VIT: variants seen among roughly 807,000 people sequenced by gnomAD.
VIT encodes vitrin.
In VIT, 99 loss-of-function variants were observed where a neutral mutation model predicts 78.0. The observed-to-expected ratio is 1.27, with a 90% CI of 1.08 to 1.50. The LOEUF is 1.50. VIT is among the 40% of genes most tolerant of loss of function. The probability of loss-of-function intolerance (pLI) is 0.00; values close to 1 mark genes in which losing one functional copy is unlikely to be tolerated. For synonymous variants in VIT, 374 were observed against 334.3 expected (o/e 1.12, Z -1.29); for missense variants, 1,126 against 875.3 (o/e 1.29, Z -3.61).
At chr2:36,777,591 G>T (rs144200608) in intron 9 of VIT, among the ~76,000 whole-genome samples, 12 of 152,102 alleles carry the variant, frequency 7.9e-5, no homozygotes, top group African/African-American at 2.7e-4. Flanking sequence ...CTCACCACTG[G>T]CTCATCTCCT....
intron 2 of VIT, among the ~76,000 whole-genome samples, chr2:36,725,527 C>A (rs1376053033): frequency 1.5e-5 from 2 of 136,350 alleles, no homozygotes; most frequent in Non-Finnish European, 3.0e-5. Context: ...AGACCTGTGA[C>A]CTCCCAAAGG....
At chr2:36,779,514 T>G (rs1664593135) in intron 9 of VIT, among the ~76,000 whole-genome samples, 1 of 152,194 alleles carries the variant, frequency 6.6e-6, no homozygotes, top group Non-Finnish European at 1.5e-5. Context: ...GGTGCAGGTT[T>G]GTTACATAAG....
At chr2:36,805,330 A>C in intron 13 of VIT, 108 bp from the exon 14 acceptor site, 28 of 817,046 alleles carry the variant, frequency 3.4e-5, no homozygotes, top group East Asian at 6.4e-5. Context: ...AAAAAAAACT[A>C]GGGAGGGAAT....
At chr2:36,716,223 A>C in intron 1 of VIT, 130 bp from the exon 2 acceptor site, 1 of 631,600 alleles carries the variant, frequency 1.6e-6, no homozygotes, top group Non-Finnish European at 2.7e-6. Flanking sequence ...GCTTATGGAA[A>C]TCTATAGCCT....
chr2:36,713,637 TAC>T (rs1558507361), intron 1 of VIT, among the ~76,000 whole-genome samples: 4 of 152,218 alleles, frequency 2.6e-5, no homozygotes, highest in African/African-American at 4.8e-5. Context: ...GGGCAGAACC[TAC>T]CACAGATGGC....
intron 13 of VIT, among the ~76,000 whole-genome samples, chr2:36,803,869 C>G (rs1403270492): frequency 1.3e-5 from 2 of 152,134 alleles, no homozygotes; most frequent in South Asian, 2.1e-4. Flanking sequence ...TCTATCCAGA[C>G]AGATACTTAT....
In VIT at chr2:36,782,463, T is replaced by C. The variant is rs151072884; in HGVS notation, c.847+692T>C. ...CAAACTGGAAAAAATAACAAGCCAG[T>C]AGAAAGCTCACTGCAGCCAAGCGCG... is the stretch of plus-strand genomic sequence containing the variant. On this transcript the variant is annotated intron_variant, in intron 10 of 15. Transcript: ENST00000379242. Among the ~76,000 whole-genome samples the C allele has an allele frequency of 4.9e-4, 74 of 152,260 alleles. No homozygotes were observed. The East Asian group carries it at 0.012, about 24-fold the overall frequency.
At chr2:36,733,578 A>G (rs1442615788) in intron 3 of VIT, among the ~76,000 whole-genome samples, 1 of 152,270 alleles carries the variant, frequency 6.6e-6, no homozygotes, top group Non-Finnish European at 1.5e-5. Flanking sequence ...GAGAAGAGAG[A>G]GAACACAACT....
At chr2:36,767,409 G>C (rs1669502265) in intron 7 of VIT, 124 bp downstream of exon 7, 3 of 1,027,406 alleles carry the variant, frequency 2.9e-6, no homozygotes, top group South Asian at 5.9e-5. Context: ...ACTGGGCCGG[G>C]GGTATGTTAT....
intron 9 of VIT, among the ~76,000 whole-genome samples, chr2:36,776,770 A>G (rs1428047084): frequency 6.7e-6 from 1 of 149,072 alleles, no homozygotes; most frequent in Non-Finnish European, 1.5e-5. Flanking sequence ...ACTCCAACCT[A>G]GGTCACAGAG....
Position 36,754,995 on chromosome 2 carries a change from A to G in VIT, c.350A>G (p.Tyr117Cys), listed in dbSNP as rs1668677805. 4 of 1,614,196 alleles carry G rather than the reference A, an allele frequency of 2.5e-6. No homozygotes were observed. Among genetic ancestry groups the G allele is most frequent in the Non-Finnish European group, 2.5e-6 (3 of 1,180,018 alleles). Reference sequence around the variant, plus strand: ...GGACAGTCTGGTTACAAAGGGAGTTATTCCAACGGTGTCCAATCGTTATCC... The same window carrying G: ...GGACAGTCTGGTTACAAAGGGAGTTGTTCCAACGGTGTCCAATCGTTATCC... ...VAGQSGYKGSYSNGVQSLSLP... is the reference protein window; with the variant it reads ...VAGQSGYKGSCSNGVQSLSLP... Residue 117 changes from tyrosine to cysteine, a missense_variant, in exon 5 of 16, where the codon TAT becomes TGT. By Grantham distance (194) the Tyr-to-Cys change is radical. Coordinates refer to ENST00000379242, the MANE Select transcript of VIT (RefSeq NM_053276.4).
intron 1 of VIT, among the ~76,000 whole-genome samples, chr2:36,709,676 G>C (rs749347427): frequency 5.9e-5 from 9 of 152,110 alleles, no homozygotes; most frequent in Non-Finnish European, 8.8e-5. Context: ...TTGTGGTGAG[G>C]GTTGGTAAAG....
intron 9 of VIT, among the ~76,000 whole-genome samples, 162 bp downstream of exon 9, chr2:36,775,229 G>A (rs1248153428): frequency 6.6e-6 from 1 of 152,208 alleles, no homozygotes; most frequent in African/African-American, 2.4e-5. Flanking sequence ...TCGAGAAAAT[G>A]TCTCTTTGAT....
intron 7 of VIT, among the ~76,000 whole-genome samples, chr2:36,769,683 TGAGA>T (rs1669634224): frequency 6.6e-6 from 1 of 152,224 alleles, no homozygotes. Flanking sequence ...AAAGTATTCA[TGAGA>T]GACTTTCCAG....
chr2:36,705,018 T>G (rs980338816), intron 1 of VIT, among the ~76,000 whole-genome samples: 7 of 152,122 alleles, frequency 4.6e-5, no homozygotes, highest in African/African-American at 1.7e-4. Flanking sequence ...TAGACGGCCC[T>G]TTGGCAACTA....
intron 5 of VIT, among the ~76,000 whole-genome samples, chr2:36,758,604 A>C (rs1668910061): frequency 6.6e-6 from 1 of 152,220 alleles, no homozygotes; most frequent in South Asian, 2.1e-4. Context: ...CATCATCTCA[A>C]AGGAGAGCAT....
intron 15 of VIT, among the ~76,000 whole-genome samples, chr2:36,812,357 C>T (rs1286544226): frequency 6.6e-6 from 1 of 152,118 alleles, no homozygotes; most frequent in Non-Finnish European, 1.5e-5. Context: ...AGGCTCTGCC[C>T]TCTGTTTCAT....
chr2:36,714,102 G>A (rs1323451198), intron 1 of VIT, among the ~76,000 whole-genome samples: 2 of 152,208 alleles, frequency 1.3e-5, no homozygotes, highest in African/African-American at 4.8e-5. Flanking sequence ...TGCAAGTGTT[G>A]TTGGAAAATA....
intron 3 of VIT, among the ~76,000 whole-genome samples, chr2:36,730,737 G>C (rs1667151340): frequency 6.6e-6 from 1 of 152,190 alleles, no homozygotes. Context: ...AGGGTGAGGA[G>C]GGCTGAGACG....
Sources: gnomAD v4.1 joint callset for allele counts (sites outside exome capture counted in the v4.1 genomes callset) on GRCh38, gnomAD v4.1.1 for gene constraint, MANE v1.5 for transcripts, NCBI Gene and HGNC (gene_info 2026-07-23, HGNC 2026-07-21) for gene names.